The following NCKAP5 variants were observed in gnomAD, a reference collection of about 807,000 sequenced individuals.
The protein encoded by NCKAP5 is NCK associated protein 5, also known as nck-associated protein 5.
A neutral mutation model predicts 167.0 loss-of-function variants in NCKAP5; 92 were observed. That is an observed-to-expected ratio of 0.55 (90% CI 0.47 to 0.66). NCKAP5 has a LOEUF of 0.66. Ranked by LOEUF, NCKAP5 falls within the 30% of genes least tolerant of loss-of-function variation. The probability of loss-of-function intolerance (pLI) is 0.00; values close to 1 mark genes in which losing one functional copy is unlikely to be tolerated. For missense variants in NCKAP5, 2,378 were observed against 2,315.0 expected, an observed-to-expected ratio of 1.03 and a Z score of -0.56; for synonymous variants, 891 against 877.4, an observed-to-expected ratio of 1.02 and a Z score of -0.27.
chr2:133,530,127 G>A (rs1442517905), intron 2 of NCKAP5, among the ~76,000 whole-genome samples: 1 of 152,000 alleles, frequency 6.6e-6, no homozygotes. Flanking sequence ...GTAAAGCATA[G>A]GTTTAACTTT....
At chr2:133,158,433 T>G (rs1007810472) in intron 5 of NCKAP5, among the ~76,000 whole-genome samples, 1 of 152,254 alleles carries the variant, frequency 6.6e-6, no homozygotes, top group Non-Finnish European at 1.5e-5. Flanking sequence ...CTGCACCTTT[T>G]AAACTCACTT....
intron 3 of NCKAP5, among the ~76,000 whole-genome samples, chr2:133,394,375 G>A (rs1687609610): frequency 1.3e-5 from 2 of 152,148 alleles, no homozygotes; most frequent in South Asian, 4.1e-4. Context: ...TGGAAGTGAA[G>A]GAAATCTCTC....
intron 16 of NCKAP5, among the ~76,000 whole-genome samples, chr2:132,745,076 C>G (rs568780146): frequency 6.6e-6 from 1 of 151,684 alleles, no homozygotes; most frequent in Admixed American, 6.6e-5. Context: ...CTTTAGAAAA[C>G]AGGAGAAGAG....
At chr2:133,132,456 T>C (rs1437481694) in intron 5 of NCKAP5, among the ~76,000 whole-genome samples, 2 of 148,816 alleles carry the variant, frequency 1.3e-5, no homozygotes, top group African/African-American at 5.1e-5. Flanking sequence ...AATTTATTTA[T>C]GCCTTTTAAA....
chr2:133,065,550 G>A (rs867576510), intron 6 of NCKAP5, among the ~76,000 whole-genome samples: 5 of 152,160 alleles, frequency 3.3e-5, no homozygotes, highest in East Asian at 1.9e-4. Flanking sequence ...GCCTGAACCC[G>A]GGAGGCAGAA....
intron 7 of NCKAP5, among the ~76,000 whole-genome samples, chr2:132,988,664 C>T (rs2077366403): frequency 6.6e-6 from 1 of 152,196 alleles, no homozygotes; most frequent in Non-Finnish European, 1.5e-5. Flanking sequence ...CCACCAGTCC[C>T]TCCTGTTTCT....
intron 7 of NCKAP5, among the ~76,000 whole-genome samples, chr2:132,979,039 G>A (rs1017720628): frequency 8.5e-5 from 13 of 152,172 alleles, no homozygotes; most frequent in Admixed American, 6.5e-5. Context: ...AGGGTTCACT[G>A]TGAGAATCAG....
chr2:132,995,831 C>T (rs939415102), intron 6 of NCKAP5, among the ~76,000 whole-genome samples: 20 of 150,892 alleles, frequency 1.3e-4, no homozygotes, highest in South Asian at 4.2e-4. Context: ...AAAAATTAGC[C>T]GGGTGTGGTG....
At chr2:132,938,913 T>G (rs902607805) in intron 8 of NCKAP5, among the ~76,000 whole-genome samples, 1 of 152,118 alleles carries the variant, frequency 6.6e-6, no homozygotes, top group Non-Finnish European at 1.5e-5. Flanking sequence ...TCCCTCTCAC[T>G]TCCAAGTACA....
At chr2:133,261,214 A>C (rs2088891204) in intron 4 of NCKAP5, among the ~76,000 whole-genome samples, 2 of 151,966 alleles carry the variant, frequency 1.3e-5, no homozygotes, top group South Asian at 4.2e-4. Context: ...GTTGAACCCA[A>C]ATACAACCCT....
chr2:133,279,961 A>G (rs951003228), intron 4 of NCKAP5, among the ~76,000 whole-genome samples: 1 of 152,186 alleles, frequency 6.6e-6, no homozygotes, highest in Admixed American at 6.5e-5. Flanking sequence ...TAAGCCAAAA[A>G]AGGTTCATTA....
rs188629362 is a variant in NCKAP5, at chr2:132,748,918, G to A, written c.5129-16867C>T. ...CCTGTCTCAGCCTCCCAAGTAGCTG[G>A]GACTACAGTTGCATGCCACCACACC... On this transcript the variant is annotated intron_variant, in intron 16 of 19. Coordinates refer to ENST00000409261, the MANE Select transcript of NCKAP5 (RefSeq NM_207363.3). Among the ~76,000 whole-genome samples the A allele has an allele frequency of 5.5e-3, 837 of 151,934 alleles. 13 individuals carry two copies. Among genetic ancestry groups the A allele is most frequent in the Non-Finnish European group, 8.9e-3 (603 of 67,968 alleles).
At chr2:132,774,232 A>C (rs1682350759) in intron 15 of NCKAP5, among the ~76,000 whole-genome samples, 1 of 152,244 alleles carries the variant, frequency 6.6e-6, no homozygotes, top group Admixed American at 6.5e-5. Context: ...TAATGAAATC[A>C]GTAACACAGG....
At chr2:133,578,313 A>G in the NCKAP5 span, among the ~76,000 whole-genome samples, 3 of 152,166 alleles carry the variant, frequency 2.0e-5, no homozygotes, top group African/African-American at 7.2e-5. Context: ...CTATCCCTGT[A>G]AAAGACATTT....
intron 3 of NCKAP5, among the ~76,000 whole-genome samples, chr2:133,513,571 A>T (rs967910107): frequency 4.6e-5 from 7 of 152,210 alleles, no homozygotes; most frequent in Admixed American, 4.6e-4. Context: ...GTGCTTGTTG[A>T]CTGATTGTGT....
At position 133,330,052 on chromosome 2, in the gene NCKAP5, C is replaced by A. The variant is rs1324718875; in HGVS notation, c.70-26942G>T. Among the ~76,000 whole-genome samples the A allele has an allele frequency of 1.3e-4, 16 of 125,998 alleles. No homozygotes were observed. The East Asian group carries it at 3.4e-3, about 26-fold the overall frequency. The allele number at this position is 125,998 out of a possible 152,430, so 82.7% of individuals were successfully genotyped here. On this transcript the variant is annotated intron_variant, in intron 3 of 19. Coordinates refer to ENST00000409261, the MANE Select transcript of NCKAP5 (RefSeq NM_207363.3). ...AGGGAATGTGGCCAAGAAAGCAAGA[C>A]CTTTTTTTTTTTTTTTTTTTTTTTT...
chr2:132,817,922 T>C (rs1261019321), intron 11 of NCKAP5, among the ~76,000 whole-genome samples: 1 of 152,240 alleles, frequency 6.6e-6, no homozygotes, highest in Non-Finnish European at 1.5e-5. Flanking sequence ...CCAAATATTT[T>C]CTAAAGGTTA....
intron 8 of NCKAP5, among the ~76,000 whole-genome samples, chr2:132,890,757 C>T (rs933707949): frequency 4.6e-5 from 7 of 152,126 alleles, no homozygotes; most frequent in African/African-American, 7.2e-5. Context: ...ATATGTGTAG[C>T]GTAGTTGGCT....
chr2:132,693,482 C>A (rs1016653342), intron 19 of NCKAP5, among the ~76,000 whole-genome samples: 2 of 151,916 alleles, frequency 1.3e-5, no homozygotes, highest in Non-Finnish European at 2.9e-5. Flanking sequence ...GAGAGCTGTG[C>A]GGCTGCAAAC....
Sources: allele counts gnomAD v4.1 joint callset (sites outside exome capture counted in the v4.1 genomes callset), GRCh38; gene constraint gnomAD v4.1.1; transcripts MANE v1.5; gene names NCBI Gene and HGNC (gene_info 2026-07-23, HGNC 2026-07-21).